RNF121: variants seen among roughly 807,000 people sequenced by gnomAD.
RNF121 encodes the protein E3 ubiquitin ligase RNF121.
Under a neutral mutation model 46.5 loss-of-function variants are expected in RNF121, and 21 were observed. The ratio of observed to expected loss-of-function variants is 0.45; its 90% CI spans 0.32 to 0.65. The LOEUF (loss-of-function observed/expected upper bound fraction) is 0.65. RNF121 is among the 30% of genes least tolerant of loss of function. The pLI is 0.04. For synonymous variants in RNF121, 139 were observed against 144.7 expected, an observed-to-expected ratio of 0.96 and a Z score of 0.28; for missense variants, 346 against 416.0, an observed-to-expected ratio of 0.83 and a Z score of 1.46.
chr11:71,986,890 C>G, intron 4 of RNF121, 114 bp from the exon 5 acceptor site: 1 of 687,666 alleles, frequency 1.5e-6, no homozygotes, highest in Non-Finnish European at 2.6e-6. Flanking sequence ...TCAGTAAGTC[C>G]TGAGCAAAGA....
chr11:71,958,183 A>T (rs1463816047), intron 2 of RNF121, among the ~76,000 whole-genome samples: 1 of 152,246 alleles, frequency 6.6e-6, no homozygotes, highest in Non-Finnish European at 1.5e-5. Flanking sequence ...TAAGCATGGC[A>T]TATTAAAAAG....
At chr11:71,953,843 G>A (rs1309478717) in intron 1 of RNF121, among the ~76,000 whole-genome samples, 1 of 152,188 alleles carries the variant, frequency 6.6e-6, no homozygotes, top group Non-Finnish European at 1.5e-5. Context: ...GTGGGGATAC[G>A]TTAGTGAGTC....
intron 1 of RNF121, among the ~76,000 whole-genome samples, chr11:71,934,003 T>G (rs924658293): frequency 8.5e-5 from 13 of 152,216 alleles, no homozygotes; most frequent in African/African-American, 2.9e-4. Flanking sequence ...ATGTACTGTT[T>G]CTAATTACTT....
At chr11:71,961,944 T>A (rs957962675) in intron 3 of RNF121, among the ~76,000 whole-genome samples, 37 of 150,424 alleles carry the variant, frequency 2.5e-4, no homozygotes, top group African/African-American at 8.8e-4. Context: ...TTTAATTATA[T>A]AATTTTGGCT....
At chr11:71,989,171 A>C (rs1200990657) in intron 5 of RNF121, among the ~76,000 whole-genome samples, 2 of 152,016 alleles carry the variant, frequency 1.3e-5, no homozygotes, top group Non-Finnish European at 2.9e-5. Context: ...CCTCCCGAGT[A>C]GTGGGGTCAA....
chr11:71,968,037 A>G (rs1954327821), intron 3 of RNF121, among the ~76,000 whole-genome samples: 1 of 150,490 alleles, frequency 6.6e-6, no homozygotes, highest in South Asian at 2.1e-4. Context: ...AATTGGTAGA[A>G]AAATTTTTAT....
At chr11:71,988,652 AAAAG>A (rs1554991902) in intron 5 of RNF121, among the ~76,000 whole-genome samples, 2 of 150,350 alleles carry the variant, frequency 1.3e-5, no homozygotes, top group African/African-American at 4.9e-5. Flanking sequence ...AAAAAAAAAA[AAAAG>A]AAAGAAAGAA....
chr11:71,991,831 C>T (rs1954867456), intron 6 of RNF121, among the ~76,000 whole-genome samples: 1 of 151,954 alleles, frequency 6.6e-6, no homozygotes, highest in Non-Finnish European at 1.5e-5. Context: ...TGCTAAAAAT[C>T]CTGGGAGGGG....
intron 3 of RNF121, among the ~76,000 whole-genome samples, chr11:71,963,798 G>A (rs369048798): frequency 1.3e-5 from 2 of 152,126 alleles, no homozygotes; most frequent in Admixed American, 6.5e-5. Context: ...GGCATGTCAC[G>A]ACCTTGTCAG....
intron 3 of RNF121, among the ~76,000 whole-genome samples, chr11:71,979,005 A>G: frequency 6.6e-6 from 1 of 152,242 alleles, no homozygotes; most frequent in Non-Finnish European, 1.5e-5. Context: ...TAACAGAATC[A>G]TTGAAATTAG....
chr11:71,981,671 A>AG (rs1475387242), intron 3 of RNF121, among the ~76,000 whole-genome samples: 17 of 152,300 alleles, frequency 1.1e-4, no homozygotes, highest in Non-Finnish European at 2.1e-4. Flanking sequence ...AACAAGTCTG[A>AG]GGGAAGGCTC....
At chr11:71,960,565 T>C (rs779113678) in intron 2 of RNF121, among the ~76,000 whole-genome samples, 185 bp from the exon 3 acceptor site, 1 of 152,090 alleles carries the variant, frequency 6.6e-6, no homozygotes. Flanking sequence ...GTAGAGCCTG[T>C]ATTCTATCTC....
At chr11:71,980,307 T>C (rs534757959) in intron 3 of RNF121, among the ~76,000 whole-genome samples, 1 of 151,764 alleles carries the variant, frequency 6.6e-6, no homozygotes, top group African/African-American at 2.4e-5. Context: ...CTCTGTTCTG[T>C]TCTGTTCTCT....
At position 71,937,376 on chromosome 11, in the gene RNF121, G is replaced by A. The variant is rs537700614; in HGVS notation, c.63+8252G>A. On this transcript the variant is annotated intron_variant, in intron 1 of 8. Coordinates refer to ENST00000361756, the MANE Select transcript of RNF121 (RefSeq NM_018320.5). ...GCTCTGTTTGCCCAGGCTGGAGTGC[G>A]ACCTTGGCTCACTGCAACCTCCGCC... Among the ~76,000 whole-genome samples, 17 of 151,964 alleles carry A rather than the reference G, an allele frequency of 1.1e-4. No individual in the cohort carries two copies. The South Asian group carries it at 1.9e-3, about 17-fold the overall frequency.
rs986250471 is a variant in RNF121 at position 71,995,805 on chromosome 11, G to A, written c.863+254G>A. On this transcript the variant is annotated intron_variant, in intron 8 of 8. Transcript: ENST00000361756. ...GATAGACTTGTGTCAGCCTCAGGCT[G>A]TGTTATCTTACACTGGCAGTTCCTT... is the stretch of plus-strand genomic sequence containing the variant. Among the ~76,000 whole-genome samples, 7 of 152,270 alleles carry A rather than the reference G, an allele frequency of 4.6e-5. No individual in the cohort carries two copies. The South Asian group carries it at 1.0e-3, about 23-fold the overall frequency.
intron 3 of RNF121, among the ~76,000 whole-genome samples, chr11:71,974,831 T>TG (rs1198189119): frequency 6.6e-6 from 1 of 152,214 alleles, no homozygotes; most frequent in Non-Finnish European, 1.5e-5. Context: ...GAATGATGAT[T>TG]GGTAGGCAGC....
chr11:71,989,070 T>TTTTG (rs10654699), intron 5 of RNF121, among the ~76,000 whole-genome samples: 116,089 of 150,198 alleles, frequency 0.77, 46,610 homozygotes, highest in Non-Finnish European at 0.9. Context: ...CATTATGGTT[T>TTTTG]TTTGTTTGTT....
At chr11:71,947,325 A>C (rs1373254530) in intron 1 of RNF121, among the ~76,000 whole-genome samples, 1 of 152,076 alleles carries the variant, frequency 6.6e-6, no homozygotes, top group Non-Finnish European at 1.5e-5. Flanking sequence ...TCATCTTTAC[A>C]GAAAATAACA....
At chr11:71,976,459 G>A (rs551295954) in intron 3 of RNF121, among the ~76,000 whole-genome samples, 2 of 145,842 alleles carry the variant, frequency 1.4e-5, no homozygotes, top group Admixed American at 7.1e-5. Context: ...GGGTTCAAGC[G>A]ATTCTCCTGC....
Sources: allele counts gnomAD v4.1 joint callset (sites outside exome capture counted in the v4.1 genomes callset), GRCh38; gene constraint gnomAD v4.1.1; transcripts MANE v1.5; gene names NCBI Gene and HGNC (gene_info 2026-07-23, HGNC 2026-07-21).